The following PTPRK variants were observed in gnomAD, a reference collection of about 807,000 sequenced individuals.
The protein encoded by PTPRK is protein tyrosine phosphatase receptor type K.
Under a neutral mutation model 178.0 loss-of-function variants are expected in PTPRK, and 75 were observed. That is an observed-to-expected ratio of 0.42 (90% CI 0.35 to 0.51). PTPRK has a LOEUF of 0.51. Ranked by LOEUF, PTPRK falls within the 20% of genes least tolerant of loss-of-function variation. The pLI, the probability that PTPRK is intolerant of heterozygous loss-of-function variation, is 0.02. For missense variants in PTPRK, 1,441 were observed against 1,797.8 expected (o/e 0.80, Z 3.59); for synonymous variants, 637 against 620.6 (o/e 1.03, Z -0.39).
At chr6:128,109,548 T>C (rs910673661) in intron 7 of PTPRK, among the ~76,000 whole-genome samples, 6 of 152,114 alleles carry the variant, frequency 3.9e-5, no homozygotes, top group African/African-American at 1.4e-4. Flanking sequence ...TGTCAAAATA[T>C]AATGTGAATC....
chr6:128,140,714 G>A (rs1795654459), intron 7 of PTPRK, among the ~76,000 whole-genome samples: 1 of 151,950 alleles, frequency 6.6e-6, no homozygotes, highest in African/African-American at 2.4e-5. Context: ...TCAAAATAAA[G>A]AAGGTAGATA....
At chr6:128,103,874 C>G (rs951786813) in intron 7 of PTPRK, among the ~76,000 whole-genome samples, 2 of 152,150 alleles carry the variant, frequency 1.3e-5, no homozygotes, top group Non-Finnish European at 2.9e-5. Flanking sequence ...CAGTGACTTC[C>G]CATCTGAATC....
chr6:128,520,374 A>C lies in PTPRK; in HGVS notation c.-16T>G. ...TCGTATCCATGCCGAGTTTGGGAGA[A>C]GTTTCAAGCAGCTTTGCAAAGAGCT... On this transcript the variant is annotated 5_prime_UTR_variant, in exon 1 of 30. Coordinates refer to ENST00000368226, the MANE Select transcript of PTPRK (RefSeq NM_002844.4). The C allele has an allele frequency of 6.3e-7, 1 of 1,592,614 alleles. No individual in the cohort carries two copies. The highest frequency in any genetic ancestry group is 2.3e-5 in the East Asian group (1 of 43,846).
chr6:128,313,321 T>C (rs565663400), intron 3 of PTPRK, among the ~76,000 whole-genome samples: 37 of 152,306 alleles, frequency 2.4e-4, no homozygotes, highest in South Asian at 4.1e-4. Context: ...CTAATTGTTA[T>C]ATTGTCTTTA....
chr6:128,413,213 C>T (rs1842494822), intron 1 of PTPRK, among the ~76,000 whole-genome samples: 1 of 151,962 alleles, frequency 6.6e-6, no homozygotes, highest in South Asian at 2.1e-4. Context: ...CAAAGCAATC[C>T]CACAAAGGAA....
chr6:128,507,639 G>A (rs1182978062), intron 1 of PTPRK, among the ~76,000 whole-genome samples: 1 of 152,158 alleles, frequency 6.6e-6, no homozygotes, highest in Non-Finnish European at 1.5e-5. Context: ...CAATAGCAGA[G>A]AGAGGGCTGA....
At chr6:128,008,030 A>G in intron 14 of PTPRK, 4 of 1,329,236 alleles carry the variant, frequency 3.0e-6, no homozygotes, top group Non-Finnish European at 4.0e-6. Flanking sequence ...TTAACACAAA[A>G]CACTATAATG....
intron 3 of PTPRK, among the ~76,000 whole-genome samples, chr6:128,270,341 T>C (rs1395981766): frequency 6.6e-6 from 1 of 152,154 alleles, no homozygotes; most frequent in African/African-American, 2.4e-5. Flanking sequence ...GATCAACATA[T>C]TTTCTGGGAT....
intron 2 of PTPRK, among the ~76,000 whole-genome samples, chr6:128,357,021 T>C (rs751638666): frequency 6.6e-6 from 1 of 152,150 alleles, no homozygotes; most frequent in Non-Finnish European, 1.5e-5. Flanking sequence ...GAGCTGGGGT[T>C]TGAATACTGG....
chr6:128,258,740 C>T (rs1387581309), intron 3 of PTPRK, among the ~76,000 whole-genome samples: 1 of 152,092 alleles, frequency 6.6e-6, no homozygotes, highest in Admixed American at 6.6e-5. Flanking sequence ...AGGTCAGCCT[C>T]TGAGAAGGCA....
intron 7 of PTPRK, among the ~76,000 whole-genome samples, chr6:128,139,745 G>A (rs1795510413): frequency 6.6e-6 from 1 of 151,990 alleles, no homozygotes; most frequent in Admixed American, 6.6e-5. Context: ...CAGGAGCTCT[G>A]AGTAAATCAC....
intron 13 of PTPRK, among the ~76,000 whole-genome samples, chr6:128,030,086 T>C (rs1408263230): frequency 6.6e-6 from 1 of 152,200 alleles, no homozygotes; most frequent in Non-Finnish European, 1.5e-5. Context: ...GTGAGGGCAC[T>C]GGCTTTTTGT....
intron 13 of PTPRK, among the ~76,000 whole-genome samples, chr6:128,037,232 A>G (rs1310590930): frequency 6.6e-6 from 1 of 152,240 alleles, no homozygotes; most frequent in Non-Finnish European, 1.5e-5. Flanking sequence ...ATACTAAGTC[A>G]TTTGAGTCAT....
chr6:128,142,348 A>G (rs571543787), intron 7 of PTPRK, among the ~76,000 whole-genome samples: 68 of 152,112 alleles, frequency 4.5e-4, no homozygotes, highest in African/African-American at 1.5e-3. Flanking sequence ...ACCACAGGCC[A>G]TAAGATCTTG....
intron 1 of PTPRK, among the ~76,000 whole-genome samples, chr6:128,433,964 A>G (rs1302572972): frequency 1.3e-5 from 2 of 151,774 alleles, no homozygotes; most frequent in Non-Finnish European, 2.9e-5. Flanking sequence ...TCTTTGAATG[A>G]TTTTGTATTA....
chr6:128,067,406 G>T, intron 12 of PTPRK, 113 bp downstream of exon 12: 1 of 1,230,238 alleles, frequency 8.1e-7, no homozygotes, highest in Non-Finnish European at 1.1e-6. Context: ...CCCCCTACAT[G>T]CAAATTTTCT....
At position 128,009,255 on chromosome 6, in the gene PTPRK, T is replaced by C; in HGVS notation, c.2208A>G (p.Glu736=). 6.2e-7 allele frequency: 1 copy of C among 1,607,202 alleles called. No individual in the cohort carries two copies. Among genetic ancestry groups the C allele is most frequent in the Non-Finnish European group, 8.5e-7 (1 of 1,176,048 alleles). ...VRIATKAAAT[E]EPEVIPDPAK... is the part of the protein sequence containing the mutation. ...CGGGATCTGGGATCACTTCTGGTTC[T>C]TCTGTTGCTGCTGCTAAATGGATAA... is the stretch of plus-strand genomic sequence containing the variant. Residue 736 remains glutamate (E), a synonymous_variant, in exon 14 of 30, where the codon GAA becomes GAG. Transcript: ENST00000368226.
intron 13 of PTPRK, among the ~76,000 whole-genome samples, chr6:128,018,148 G>T (rs1779826370): frequency 6.6e-6 from 1 of 151,836 alleles, no homozygotes; most frequent in African/African-American, 2.4e-5. Context: ...CAAGGGCAAA[G>T]ATATAATCTC....
chr6:128,106,942 T>C (rs1454905743), intron 7 of PTPRK, among the ~76,000 whole-genome samples: 2 of 152,108 alleles, frequency 1.3e-5, no homozygotes, highest in Non-Finnish European at 2.9e-5. Context: ...ATTTGGTAAG[T>C]ATAAATGATC....
Sources: allele counts gnomAD v4.1 joint callset (sites outside exome capture counted in the v4.1 genomes callset), GRCh38; gene constraint gnomAD v4.1.1; transcripts MANE v1.5; gene names NCBI Gene and HGNC (gene_info 2026-07-23, HGNC 2026-07-21).